The following CNTNAP2 variants were observed in gnomAD, a reference collection of about 807,000 sequenced individuals.
The protein encoded by CNTNAP2 is contactin associated protein 2.
A neutral mutation model predicts 155.2 loss-of-function variants in CNTNAP2; 98 were observed. The ratio of observed to expected loss-of-function variants is 0.63; its 90% confidence interval spans 0.54 to 0.75. The LOEUF (loss-of-function observed/expected upper bound fraction) is 0.75. CNTNAP2 is among the 30% of genes least tolerant of loss of function. The pLI, the probability that CNTNAP2 is intolerant of heterozygous loss-of-function variation, is 0.00. For synonymous variants in CNTNAP2, 651 were observed against 631.2 expected (o/e 1.03, Z -0.47); for missense variants, 1,727 against 1,688.1 (o/e 1.02, Z -0.40).
At chr7:148,074,613 C>G (rs1321427006) in intron 15 of CNTNAP2, among the ~76,000 whole-genome samples, 1 of 151,472 alleles carries the variant, frequency 6.6e-6, no homozygotes, top group Non-Finnish European at 1.5e-5. Context: ...CGCTTGAACT[C>G]GGAGGTGGAG....
intron 4 of CNTNAP2, among the ~76,000 whole-genome samples, chr7:147,067,829 G>A (rs763331317): frequency 1.4e-4 from 21 of 152,254 alleles, no homozygotes; most frequent in Non-Finnish European, 2.4e-4. Context: ...CTCTCGATTC[G>A]CATTCGGTTG....
intron 4 of CNTNAP2, among the ~76,000 whole-genome samples, chr7:147,085,463 T>A (rs1373346973): frequency 6.6e-6 from 1 of 152,136 alleles, no homozygotes; most frequent in Non-Finnish European, 1.5e-5. Flanking sequence ...TGAACACTCA[T>A]GAGAATCTAG....
intron 14 of CNTNAP2, among the ~76,000 whole-genome samples, chr7:147,921,815 G>A (rs530417408): frequency 2.3e-4 from 35 of 152,316 alleles, no homozygotes; most frequent in Middle Eastern, 3.4e-3. Flanking sequence ...GGACCAACTA[G>A]ACAAGGAAAG....
At chr7:148,249,414 C>A (rs1208628974) in intron 20 of CNTNAP2, among the ~76,000 whole-genome samples, 7 of 152,170 alleles carry the variant, frequency 4.6e-5, no homozygotes, top group Admixed American at 2.6e-4. Context: ...CTTCAGTGGG[C>A]GTGCTTCCAG....
chr7:147,126,531 T>C, intron 6 of CNTNAP2, among the ~76,000 whole-genome samples: 1 of 152,204 alleles, frequency 6.6e-6, no homozygotes, highest in East Asian at 1.9e-4. Context: ...TGGAGTGCAA[T>C]GGCAAGATCT....
intron 12 of CNTNAP2, among the ~76,000 whole-genome samples, chr7:147,606,028 C>T (rs1801056824): frequency 6.6e-6 from 1 of 151,914 alleles, no homozygotes; most frequent in South Asian, 2.1e-4. Context: ...TCAGGTAACC[C>T]CCAGGCAAGC....
chr7:148,132,029 T>C (rs1041822549), intron 16 of CNTNAP2, among the ~76,000 whole-genome samples: 8 of 152,132 alleles, frequency 5.3e-5, no homozygotes, highest in African/African-American at 1.9e-4. Context: ...ATCAAAACCA[T>C]GAAAGAAAAT....
chr7:147,734,380 T>C (rs1796800220), intron 13 of CNTNAP2, among the ~76,000 whole-genome samples: 1 of 152,192 alleles, frequency 6.6e-6, no homozygotes, highest in South Asian at 2.1e-4. Context: ...TTGATCATGG[T>C]GGATAAGCTT....
Position 148,014,662 on chromosome 7 carries a change from A to G in CNTNAP2, c.2383+36673A>G, listed in dbSNP as rs143967643. On this transcript the variant is annotated intron_variant, in intron 15 of 23. Transcript: ENST00000361727. Reference sequence around the variant, plus strand: ...GAGTCACCAGCTGCCCCTTGTTGATATAAAGAGCTCGAAGAATGAACAGTT... The same window carrying G: ...GAGTCACCAGCTGCCCCTTGTTGATGTAAAGAGCTCGAAGAATGAACAGTT... Among the ~76,000 whole-genome samples the G allele has an allele frequency of 5.2e-3, 785 of 152,356 alleles. 8 individuals are homozygous for G. Among genetic ancestry groups the G allele is most frequent in the African/African-American group, 0.017 (714 of 41,582 alleles).
chr7:147,839,837 C>T (rs993807633), intron 13 of CNTNAP2, among the ~76,000 whole-genome samples: 5 of 151,908 alleles, frequency 3.3e-5, no homozygotes, highest in East Asian at 1.9e-4. Flanking sequence ...ATGGAATCAC[C>T]GTAAGTGTCT....
At chr7:146,500,736 G>A (rs1389677725) in intron 1 of CNTNAP2, among the ~76,000 whole-genome samples, 1 of 152,028 alleles carries the variant, frequency 6.6e-6, no homozygotes, top group Non-Finnish European at 1.5e-5. Flanking sequence ...TATTTTATCT[G>A]GCCAGAACCA....
At chr7:146,735,875 T>C (rs1801610729) in intron 1 of CNTNAP2, among the ~76,000 whole-genome samples, 1 of 151,906 alleles carries the variant, frequency 6.6e-6, no homozygotes, top group Non-Finnish European at 1.5e-5. Context: ...TAATTTAGTC[T>C]ATATTTTCAA....
intron 8 of CNTNAP2, among the ~76,000 whole-genome samples, chr7:147,158,704 CCTG>C (rs761657305): frequency 1.3e-3 from 201 of 152,110 alleles, no homozygotes; most frequent in Non-Finnish European, 2.6e-3. Flanking sequence ...TAAAGCAAAA[CCTG>C]AATGATGGAG....
intron 1 of CNTNAP2, among the ~76,000 whole-genome samples, chr7:146,265,872 T>G (rs1476329204): frequency 1.3e-5 from 2 of 152,216 alleles, no homozygotes; most frequent in Non-Finnish European, 2.9e-5. Flanking sequence ...GTAGTTGTTT[T>G]GTTTTGTGTC....
chr7:146,906,171 A>G (rs1240991480), intron 3 of CNTNAP2, among the ~76,000 whole-genome samples: 9 of 152,220 alleles, frequency 5.9e-5, no homozygotes, highest in South Asian at 2.1e-4. Flanking sequence ...AGTCTCGCTG[A>G]TTGCTAGCAC....
At chr7:147,237,978 TA>T (rs1803849916) in intron 8 of CNTNAP2, among the ~76,000 whole-genome samples, 1 of 152,260 alleles carries the variant, frequency 6.6e-6, no homozygotes, top group South Asian at 2.1e-4. Context: ...TAGTAGACCC[TA>T]AATTGTGAAT....
At chr7:147,789,674 G>T (rs1332767490) in intron 13 of CNTNAP2, among the ~76,000 whole-genome samples, 1 of 152,200 alleles carries the variant, frequency 6.6e-6, no homozygotes, top group Non-Finnish European at 1.5e-5. Context: ...GTCTCCCAGT[G>T]TGTGGGCACC....
chr7:147,204,279 G>T (rs1802976671), intron 8 of CNTNAP2, among the ~76,000 whole-genome samples: 1 of 151,962 alleles, frequency 6.6e-6, no homozygotes, highest in African/African-American at 2.4e-5. Flanking sequence ...CAATAAAATA[G>T]AGTCCAAAAG....
intron 3 of CNTNAP2, among the ~76,000 whole-genome samples, chr7:146,957,594 T>G (rs1195129775): frequency 6.6e-6 from 1 of 152,182 alleles, no homozygotes; most frequent in African/African-American, 2.4e-5. Flanking sequence ...GTTCATTGCT[T>G]AGGTAGCCAG....
Sources: gnomAD v4.1 joint callset for allele counts (sites outside exome capture counted in the v4.1 genomes callset) on GRCh38, gnomAD v4.1.1 for gene constraint, MANE v1.5 for transcripts, NCBI Gene and HGNC (gene_info 2026-07-23, HGNC 2026-07-21) for gene names.